Variants in RREB1 observed in about 807,000 individuals in gnomAD.
The protein encoded by RREB1 is ras responsive element binding protein 1.
A neutral mutation model predicts 117.8 loss-of-function variants in RREB1; 27 were observed. The observed-to-expected ratio is 0.23, with a 90% CI of 0.17 to 0.32. The LOEUF is 0.32. Ranked by LOEUF, RREB1 falls within the 10% of genes least tolerant of loss-of-function variation. The pLI is 1.00. For missense variants in RREB1, 2,577 were observed against 2,378.2 expected, an observed-to-expected ratio of 1.08 and a Z score of -1.74; for synonymous variants, 1,298 against 1,026.7, an observed-to-expected ratio of 1.26 and a Z score of -5.05.
chr6:7,210,549 C>G (rs1766523209), intron 6 of RREB1, among the ~76,000 whole-genome samples: 3 of 152,156 alleles, frequency 2.0e-5, no homozygotes, highest in Admixed American at 2.0e-4. Flanking sequence ...TTGTTAATGT[C>G]AGTTAAGTTC....
intron 1 of RREB1, among the ~76,000 whole-genome samples, chr6:7,129,390 G>C (rs533138861): frequency 6.6e-6 from 1 of 152,338 alleles, no homozygotes; most frequent in Non-Finnish European, 1.5e-5. Flanking sequence ...CAAAGTTTTT[G>C]AGTAGAGAAG....
intron 8 of RREB1, among the ~76,000 whole-genome samples, chr6:7,223,212 A>G (rs971199550): frequency 6.7e-6 from 1 of 148,180 alleles, no homozygotes; most frequent in Non-Finnish European, 1.5e-5. Flanking sequence ...AGCTATGATC[A>G]TGCCACTGCA....
At position 7,248,987 on chromosome 6, in the gene RREB1, G is replaced by C; in HGVS notation, c.*19G>C. ...GGAGTGACAGCCTCAGTCCCCCTCA[G>C]CACAGACAAAAGCCAGCAGAGCAAA... On this transcript the variant is annotated 3_prime_UTR_variant, in exon 13 of 13. Transcript: ENST00000379938. The C allele has an allele frequency of 6.9e-7, 1 of 1,449,046 alleles. No homozygotes were observed. Among genetic ancestry groups the C allele is most frequent in the Non-Finnish European group, 9.0e-7 (1 of 1,106,892 alleles). The allele number at this position is 1,449,046 out of a possible 1,614,324, so 89.8% of individuals were successfully genotyped here. A position where few individuals can be genotyped will look rare whatever the true frequency, so the allele number is the denominator to read the frequency against.
chr6:7,246,750 G>C lies in RREB1; in HGVS notation c.4300G>C (p.Gly1434Arg). The C allele has an allele frequency of 1.3e-6, 2 of 1,568,074 alleles. No homozygotes were observed. Among genetic ancestry groups the C allele is most frequent in the Non-Finnish European group, 1.7e-6 (2 of 1,157,426 alleles). Residue 1434 changes from glycine to arginine, a missense_variant, in exon 12 of 13, where the codon GGC becomes CGC. By Grantham distance (125) the Gly-to-Arg change is moderately radical. Coordinates refer to ENST00000379938, the MANE Select transcript of RREB1 (RefSeq NM_001003699.4). ...GGACTTCAAGCTGGCGGAGGGCGAC[G>C]GCGAGGCAGGCGCCGGGGGCGCGGC... ...LMDFKLAEGD[G>R]EAGAGGAASQ... is the part of the protein sequence containing the mutation.
chr6:7,127,695 A>G (rs1038322507), intron 1 of RREB1, among the ~76,000 whole-genome samples: 1 of 152,132 alleles, frequency 6.6e-6, no homozygotes. Flanking sequence ...GGGCCAGCTA[A>G]TTTGCTGTCT....
rs148273928 is a variant in RREB1 at position 7,164,286 on chromosome 6, C to T, written c.-284-12369C>T. 3.9e-4 allele frequency among the ~76,000 whole-genome samples: 59 copies of T among 152,308 alleles called. No individual in the cohort carries two copies. The East Asian group carries it at 0.011, about 28-fold the overall frequency. On this transcript the variant is annotated intron_variant, in intron 1 of 12. Transcript: ENST00000379938. The stretch of plus-strand genomic sequence containing the variant: ...TTCCCTACCTACTATCATCAATCCC[C>T]ACTGCCCATCTCCTTTCCCCCACCC...
chr6:7,110,597 A>G (rs1376419482), intron 1 of RREB1, among the ~76,000 whole-genome samples: 2 of 152,160 alleles, frequency 1.3e-5, no homozygotes, highest in Non-Finnish European at 2.9e-5. Context: ...TGAATTAAAC[A>G]TTTGAATGGC....
At chr6:7,143,400 A>G (rs1261519046) in intron 1 of RREB1, among the ~76,000 whole-genome samples, 3 of 152,212 alleles carry the variant, frequency 2.0e-5, no homozygotes, top group African/African-American at 7.2e-5. Flanking sequence ...GTCTGAGACT[A>G]TGCGTTTTGT....
At chr6:7,158,897 C>G (rs1345248290) in intron 1 of RREB1, among the ~76,000 whole-genome samples, 1 of 151,734 alleles carries the variant, frequency 6.6e-6, no homozygotes, top group East Asian at 1.9e-4. Context: ...GCTTAAAGGC[C>G]AGGAAAAAAC....
intron 1 of RREB1, among the ~76,000 whole-genome samples, chr6:7,118,203 C>A: frequency 6.6e-6 from 1 of 152,196 alleles, no homozygotes; most frequent in Non-Finnish European, 1.5e-5. Flanking sequence ...TCACTGCAAC[C>A]TCCACATCTT....
chr6:7,185,141 A>G (rs1765018464), intron 4 of RREB1: 1 of 152,260 alleles, frequency 6.6e-6, no homozygotes, highest in Admixed American at 6.5e-5. Flanking sequence ...TAGAAGTATG[A>G]TAAATGAGTA....
intron 1 of RREB1, among the ~76,000 whole-genome samples, chr6:7,110,630 T>TA (rs917136976): frequency 2.0e-4 from 30 of 152,292 alleles, no homozygotes; most frequent in Middle Eastern, 3.4e-3. Flanking sequence ...TTAAATGTGT[T>TA]AAAAAAATAC....
At chr6:7,172,691 T>TGGGGG (rs147465069) in intron 1 of RREB1, among the ~76,000 whole-genome samples, 1 of 135,070 alleles carries the variant, frequency 7.4e-6, no homozygotes. Context: ...GTTGCCGGTG[T>TGGGGG]GGGGGGGTGG....
At chr6:7,140,116 T>C (rs886619546) in intron 1 of RREB1, among the ~76,000 whole-genome samples, 1 of 152,244 alleles carries the variant, frequency 6.6e-6, no homozygotes, top group African/African-American at 2.4e-5. Context: ...ACCATCAGGC[T>C]TCACACTTTA....
rs186976558 is a variant in RREB1, at chr6:7,142,296, C to T, written c.-285+34236C>T. On this transcript the variant is annotated intron_variant, in intron 1 of 12. Transcript: ENST00000379938. ...AAACCCAGCCAGTTCTCGTGGCTTC[C>T]GCTTTTACACCCTCCTCCGAGAGCC... 8.2e-4 allele frequency among the ~76,000 whole-genome samples: 125 copies of T among 152,358 alleles called. 1 individual carries two copies. The highest frequency in any genetic ancestry group is 1.2e-3 in the Admixed American group (19 of 15,308).
At chr6:7,196,643 G>A (rs1765693836) in intron 6 of RREB1, among the ~76,000 whole-genome samples, 1 of 152,172 alleles carries the variant, frequency 6.6e-6, no homozygotes, top group Non-Finnish European at 1.5e-5. Context: ...CAAGTAGGGA[G>A]ATGAGAGTGA....
At chr6:7,160,334 T>C (rs990364332) in intron 1 of RREB1, among the ~76,000 whole-genome samples, 2 of 152,004 alleles carry the variant, frequency 1.3e-5, no homozygotes, top group Non-Finnish European at 2.9e-5. Context: ...TTAAGTTTTT[T>C]TAAAAAAAAA....
intron 5 of RREB1, 97 bp from the exon 6 acceptor site, chr6:7,189,058 GTTGA>G (rs1765255652): frequency 2.6e-6 from 3 of 1,167,808 alleles, no homozygotes; most frequent in Non-Finnish European, 3.5e-6. Context: ...AGCCAAGAAA[GTTGA>G]TTGGTTTTTT....
At chr6:7,243,813 T>A (rs1261922793) in intron 11 of RREB1, among the ~76,000 whole-genome samples, 1 of 152,158 alleles carries the variant, frequency 6.6e-6, no homozygotes, top group Non-Finnish European at 1.5e-5. Flanking sequence ...GGGTTTTGTT[T>A]CAAAATTTAT....
Sources: gnomAD v4.1 joint callset for allele counts (sites outside exome capture counted in the v4.1 genomes callset) on GRCh38, gnomAD v4.1.1 for gene constraint, MANE v1.5 for transcripts, NCBI Gene and HGNC (gene_info 2026-07-23, HGNC 2026-07-21) for gene names.